Variants in INPP4B observed in about 807,000 individuals in gnomAD.
INPP4B encodes inositol polyphosphate-4-phosphatase type II B.
Under a neutral mutation model 122.5 loss-of-function variants are expected in INPP4B, and 55 were observed. The ratio of observed to expected loss-of-function variants is 0.45; its 90% CI spans 0.36 to 0.56. The LOEUF is 0.56. Among genes scored for constraint, INPP4B ranks in the 20% least tolerant of loss-of-function variants. The pLI is 0.00. For synonymous variants in INPP4B, 403 were observed against 388.7 expected (o/e 1.04, Z -0.43); for missense variants, 1,000 against 1,097.7 (o/e 0.91, Z 1.26).
chr4:142,596,895 T>C (rs1738833938), intron 2 of INPP4B, among the ~76,000 whole-genome samples: 1 of 152,214 alleles, frequency 6.6e-6, no homozygotes, highest in South Asian at 2.1e-4. Flanking sequence ...AATACGCAGA[T>C]TGAAGTGTTT....
intron 2 of INPP4B, among the ~76,000 whole-genome samples, chr4:142,661,754 A>T (rs1004702961): frequency 6.6e-6 from 1 of 152,232 alleles, no homozygotes; most frequent in Non-Finnish European, 1.5e-5. Flanking sequence ...AAACAATGAG[A>T]AAAGACTTTT....
intron 12 of INPP4B, among the ~76,000 whole-genome samples, chr4:142,230,719 T>C (rs756468071): frequency 1.3e-5 from 2 of 151,964 alleles, no homozygotes; most frequent in Non-Finnish European, 2.9e-5. Context: ...ATTTTATCTT[T>C]TCTCTTTTAT....
At chr4:142,184,466 G>A (rs1346615386) in intron 15 of INPP4B, among the ~76,000 whole-genome samples, 5 of 152,122 alleles carry the variant, frequency 3.3e-5, no homozygotes, top group Non-Finnish European at 7.4e-5. Flanking sequence ...AAAAGTCTCT[G>A]TGTCTGCTAC....
intron 15 of INPP4B, among the ~76,000 whole-genome samples, chr4:142,180,834 T>C (rs528902282): frequency 6.6e-6 from 1 of 152,298 alleles, no homozygotes; most frequent in Non-Finnish European, 1.5e-5. Context: ...AAAAATATAA[T>C]TAAAGACGTT....
rs1327919118 is a variant in INPP4B, at chr4:142,244,322, C to CA, written c.689-6312dup. 2.9e-5 allele frequency among the ~76,000 whole-genome samples: 3 copies of CA among 105,078 alleles called. No individual in the cohort carries two copies. In the South Asian group the frequency reaches 9.6e-4, roughly 34 times the overall value. 68.9% of individuals were successfully genotyped at this position (105,078 alleles called of 152,430 possible). A position where few individuals can be genotyped will look rare whatever the true frequency, so the allele number is the denominator to read the frequency against. ...TTTTTTTTTTTTTTTTTTTTTGAGA[C>CA]AGAGTCTTGCTCTCTTCCCCACTCT... is the stretch of plus-strand genomic sequence containing the variant. On this transcript the variant is annotated intron_variant, in intron 11 of 25. Transcript: ENST00000262992.
At chr4:142,790,596 T>C (rs1291759553) in intron 1 of INPP4B, among the ~76,000 whole-genome samples, 1 of 151,820 alleles carries the variant, frequency 6.6e-6, no homozygotes, top group African/African-American at 2.4e-5. Flanking sequence ...AGAAAAGTTT[T>C]AATAGATTTT....
At chr4:142,681,700 C>T (rs537670532) in intron 2 of INPP4B, among the ~76,000 whole-genome samples, 320 of 151,322 alleles carry the variant, frequency 2.1e-3, no homozygotes, top group African/African-American at 7.1e-3. Context: ...AGGTTGCTAG[C>T]GATGAAAGAG....
intron 4 of INPP4B, 86 bp downstream of exon 4, chr4:142,431,083 A>G (rs1252829178): frequency 9.8e-6 from 9 of 915,232 alleles, no homozygotes; most frequent in Non-Finnish European, 1.6e-5. Flanking sequence ...CTATGAATCT[A>G]TGAATGCATG....
intron 2 of INPP4B, among the ~76,000 whole-genome samples, chr4:142,520,292 C>T (rs74605847): frequency 0.014 from 2,146 of 152,002 alleles, 79 homozygotes; most frequent in Admixed American, 0.064. Flanking sequence ...TCACAAACTG[C>T]TCTTCTGAAA....
intron 7 of INPP4B, among the ~76,000 whole-genome samples, chr4:142,354,198 T>G (rs1367305190): frequency 6.6e-6 from 1 of 152,014 alleles, no homozygotes; most frequent in South Asian, 2.1e-4. Flanking sequence ...GCATATTGGG[T>G]ATCTTGTGCC....
Position 142,098,063 on chromosome 4 carries a change from G to C in INPP4B, c.2374+10030C>G, listed in dbSNP as rs547970746. On this transcript the variant is annotated intron_variant, in intron 23 of 25. Transcript: ENST00000262992. ...GGCAAGAGATTGCAATTTTAAAGAG[G>C]GTGTTTAAGAAAGGCCTTACTGAGA... Among the ~76,000 whole-genome samples the C allele has an allele frequency of 1.4e-4, 22 of 152,148 alleles. 1 individual carries two copies. In the South Asian group the frequency reaches 4.1e-3, roughly 29 times the overall value.
At position 142,612,349 on chromosome 4, in the gene INPP4B, G is replaced by T. The variant is rs184231382; in HGVS notation, c.-191+113490C>A. Among the ~76,000 whole-genome samples the T allele has an allele frequency of 3.3e-5, 5 of 152,268 alleles. No individual in the cohort carries two copies. The East Asian group carries it at 9.7e-4, about 29-fold the overall frequency. On this transcript the variant is annotated intron_variant, in intron 2 of 25. Coordinates refer to ENST00000262992, the MANE Select transcript of INPP4B (RefSeq NM_001101669.3). The stretch of plus-strand genomic sequence containing the variant: ...ATAACTAAGAAAGTAATTAGGCCTC[G>T]CAATTATTTAACACATAGTGTGTAG...
chr4:142,566,076 G>A (rs577925929), intron 2 of INPP4B: 1 of 152,078 alleles, frequency 6.6e-6, no homozygotes, highest in Admixed American at 6.6e-5. Flanking sequence ...ATGTGTTAGA[G>A]GCACTTTCAG....
chr4:142,188,284 G>A (rs2636668), intron 15 of INPP4B, among the ~76,000 whole-genome samples: 121,116 of 151,216 alleles, frequency 0.8, 48,948 homozygotes, highest in East Asian at 0.93. Context: ...TCAGCAGATC[G>A]AGACCATCCT....
chr4:142,154,662 T>C (rs1350483121), intron 17 of INPP4B, among the ~76,000 whole-genome samples: 1 of 152,086 alleles, frequency 6.6e-6, no homozygotes, highest in African/African-American at 2.4e-5. Context: ...AAAGGACTCA[T>C]GAATTATAGT....
At chr4:142,790,292 A>G (rs1776357593) in intron 1 of INPP4B, among the ~76,000 whole-genome samples, 1 of 152,164 alleles carries the variant, frequency 6.6e-6, no homozygotes, top group African/African-American at 2.4e-5. Flanking sequence ...ACACAGTGGG[A>G]GAAAATCTTC....
chr4:142,188,518 A>ATATATATATATAT (rs1363710453), intron 15 of INPP4B, among the ~76,000 whole-genome samples: 7 of 105,096 alleles, frequency 6.7e-5, no homozygotes, highest in Admixed American at 1.3e-4. Context: ...AAAGAAAAAA[A>ATATATATATATAT]ATATATATAG....
At chr4:142,361,703 T>C (rs1785458117) in intron 7 of INPP4B, among the ~76,000 whole-genome samples, 1 of 152,000 alleles carries the variant, frequency 6.6e-6, no homozygotes. Context: ...ATGTATTTAT[T>C]GGTTTGTTAG....
intron 12 of INPP4B, among the ~76,000 whole-genome samples, chr4:142,224,992 G>C (rs1037331368): frequency 6.6e-6 from 1 of 152,094 alleles, no homozygotes; most frequent in Non-Finnish European, 1.5e-5. Context: ...TGGATTGAAG[G>C]ATGCAAAGTA....
Sources: gnomAD v4.1 joint callset for allele counts (sites outside exome capture counted in the v4.1 genomes callset) on GRCh38, gnomAD v4.1.1 for gene constraint, MANE v1.5 for transcripts, NCBI Gene and HGNC (gene_info 2026-07-23, HGNC 2026-07-21) for gene names.